The following MAGI2 variants were observed in gnomAD, a reference collection of about 807,000 sequenced individuals.
The protein encoded by MAGI2 is membrane associated guanylate kinase, WW and PDZ domain containing 2.
MAGI2 carries 35 observed loss-of-function variants against 133.3 expected under a neutral mutation model. The ratio of observed to expected loss-of-function variants is 0.26; its 90% confidence interval spans 0.20 to 0.35. The LOEUF (loss-of-function observed/expected upper bound fraction) is 0.35, where lower values mean the gene tolerates loss of function less well. MAGI2 is among the 10% of genes least tolerant of loss of function. MAGI2 has a pLI of 1.00. For synonymous variants in MAGI2, 729 were observed against 710.6 expected (o/e 1.03, Z -0.41); for missense variants, 1,636 against 1,863.4 (o/e 0.88, Z 2.25).
At chr7:79,116,008 C>G (rs1026176847) in intron 1 of MAGI2, among the ~76,000 whole-genome samples, 1 of 151,906 alleles carries the variant, frequency 6.6e-6, no homozygotes, top group African/African-American at 2.4e-5. Context: ...CAGCAAGGGA[C>G]ATTTTCTACA....
chr7:79,179,350 C>T (rs960501357), intron 1 of MAGI2, among the ~76,000 whole-genome samples: 2 of 151,812 alleles, frequency 1.3e-5, no homozygotes, highest in African/African-American at 2.4e-5. Context: ...ATGATTACTA[C>T]CCAAAGCAAT....
At chr7:79,435,124 A>C (rs546882188) in intron 1 of MAGI2, among the ~76,000 whole-genome samples, 4 of 152,312 alleles carry the variant, frequency 2.6e-5, no homozygotes, top group South Asian at 2.1e-4. Context: ...AACAGCTTTC[A>C]GAACTGTATG....
intron 1 of MAGI2, among the ~76,000 whole-genome samples, chr7:79,450,386 G>A (rs766574611): frequency 4.6e-5 from 7 of 151,928 alleles, no homozygotes; most frequent in South Asian, 2.1e-4. Flanking sequence ...ATGATTTGAC[G>A]AGGAAAAGAA....
chr7:78,997,391 G>A (rs1451235546), intron 2 of MAGI2, among the ~76,000 whole-genome samples: 1 of 151,992 alleles, frequency 6.6e-6, no homozygotes, highest in African/African-American at 2.4e-5. Flanking sequence ...ATCACTTGAG[G>A]TCGGGAGTTC....
intron 1 of MAGI2, among the ~76,000 whole-genome samples, chr7:79,372,322 A>G (rs1009414740): frequency 8.6e-5 from 13 of 151,930 alleles, no homozygotes; most frequent in African/African-American, 3.2e-4. Flanking sequence ...GGTAGCTAAC[A>G]GGAGGATTTC....
At chr7:78,722,612 G>T (rs189495265) in intron 2 of MAGI2, among the ~76,000 whole-genome samples, 3 of 152,034 alleles carry the variant, frequency 2.0e-5, no homozygotes, top group Non-Finnish European at 4.4e-5. Flanking sequence ...TCATTTTCAG[G>T]CACAATACCA....
At chr7:79,061,245 G>T (rs1225818568) in intron 1 of MAGI2, among the ~76,000 whole-genome samples, 1 of 151,286 alleles carries the variant, frequency 6.6e-6, no homozygotes, top group Non-Finnish European at 1.5e-5. Flanking sequence ...CTATTTTATT[G>T]TTAATGCTTA....
At chr7:79,253,371 G>A (rs1038589671) in intron 1 of MAGI2, among the ~76,000 whole-genome samples, 4 of 152,056 alleles carry the variant, frequency 2.6e-5, no homozygotes, top group African/African-American at 4.8e-5. Flanking sequence ...GGCCAGGCAC[G>A]GTGGCTCATG....
At chr7:78,694,386 C>G (rs1817281899) in intron 2 of MAGI2, among the ~76,000 whole-genome samples, 1 of 152,166 alleles carries the variant, frequency 6.6e-6, no homozygotes, top group Admixed American at 6.5e-5. Flanking sequence ...GCATCGCTCT[C>G]ATGAGTTCTT....
chr7:79,286,156 G>C (rs1835981377), intron 1 of MAGI2, among the ~76,000 whole-genome samples: 2 of 152,086 alleles, frequency 1.3e-5, no homozygotes, highest in Admixed American at 1.3e-4. Context: ...AAGCCAAATA[G>C]AGGAAGTGTG....
At chr7:79,262,315 T>A (rs1834146668) in intron 1 of MAGI2, among the ~76,000 whole-genome samples, 1 of 152,158 alleles carries the variant, frequency 6.6e-6, no homozygotes, top group African/African-American at 2.4e-5. Flanking sequence ...CTATTTTCTG[T>A]GAGCCAGAGA....
At chr7:79,427,071 G>T (rs963550973) in intron 1 of MAGI2, among the ~76,000 whole-genome samples, 1 of 152,132 alleles carries the variant, frequency 6.6e-6, no homozygotes, top group Non-Finnish European at 1.5e-5. Flanking sequence ...TAAATGTATT[G>T]TACGTAATCT....
intron 16 of MAGI2, among the ~76,000 whole-genome samples, chr7:78,139,194 T>C (rs1381230222): frequency 1.3e-5 from 2 of 152,224 alleles, no homozygotes; most frequent in African/African-American, 4.8e-5. Flanking sequence ...AGTTTAAAAA[T>C]GTATCTTCAG....
chr7:79,417,025 C>T (rs1028094531), intron 1 of MAGI2, among the ~76,000 whole-genome samples: 35 of 151,912 alleles, frequency 2.3e-4, no homozygotes, highest in African/African-American at 8.0e-4. Flanking sequence ...AGCCACCATG[C>T]CCGGCCTGTT....
chr7:78,879,544 T>C (rs796567311), intron 2 of MAGI2, among the ~76,000 whole-genome samples: 18 of 151,908 alleles, frequency 1.2e-4, no homozygotes, highest in African/African-American at 4.3e-4. Flanking sequence ...AGGAAAATAA[T>C]GATAATAATA....
At chr7:78,153,059 C>G (rs1824044804) in intron 16 of MAGI2, among the ~76,000 whole-genome samples, 1 of 152,180 alleles carries the variant, frequency 6.6e-6, no homozygotes, top group South Asian at 2.1e-4. Context: ...GTAGCTCTAG[C>G]AATGACTTTC....
rs566175789 is a variant in MAGI2 at position 79,234,429 on chromosome 7, C to T, written c.301+218591G>A. 2.8e-4 allele frequency among the ~76,000 whole-genome samples: 42 copies of T among 152,094 alleles called. 1 individual carries two copies. The South Asian group carries it at 7.9e-3, about 29-fold the overall frequency. On this transcript the variant is annotated intron_variant, in intron 1 of 21. Transcript: ENST00000354212. ...CCATTCTCCCCATCACTTTCAGGTA[C>T]ACCAATCAGACGTAGATTTGGTCTT...
intron 5 of MAGI2, 75 bp from the exon 6 acceptor site, chr7:78,489,915 C>T: frequency 1.3e-6 from 1 of 757,168 alleles, no homozygotes. Context: ...AAAAAAAAAG[C>T]AGGGTTAGTC....
At chr7:78,413,341 T>C (rs1798022985) in intron 6 of MAGI2, among the ~76,000 whole-genome samples, 1 of 152,070 alleles carries the variant, frequency 6.6e-6, no homozygotes, top group Non-Finnish European at 1.5e-5. Context: ...GTGTCTGAAA[T>C]TATCCATATT....
Sources: gnomAD v4.1 joint callset for allele counts (sites outside exome capture counted in the v4.1 genomes callset) on GRCh38, gnomAD v4.1.1 for gene constraint, MANE v1.5 for transcripts, NCBI Gene and HGNC (gene_info 2026-07-23, HGNC 2026-07-21) for gene names.